GRM5: variants seen among roughly 807,000 people sequenced by gnomAD.
GRM5 encodes metabotropic glutamate receptor 5.
GRM5 carries 19 observed loss-of-function variants against 83.1 expected under a neutral mutation model. The ratio of observed to expected loss-of-function variants is 0.23; its 90% CI spans 0.16 to 0.34. The LOEUF (loss-of-function observed/expected upper bound fraction) is 0.34. GRM5 is among the 10% of genes least tolerant of loss of function. The pLI is 1.00. For missense variants in GRM5, 1,160 were observed against 1,588.3 expected, an observed-to-expected ratio of 0.73 and a Z score of 4.58; for synonymous variants, 675 against 633.6, an observed-to-expected ratio of 1.07 and a Z score of -0.98.
intron 3 of GRM5, among the ~76,000 whole-genome samples, chr11:88,708,093 T>C (rs1009583296): frequency 4.6e-5 from 7 of 152,106 alleles, no homozygotes; most frequent in Non-Finnish European, 1.0e-4. Context: ...GTCACTACTA[T>C]AAATGTAGGA....
intron 2 of GRM5, among the ~76,000 whole-genome samples, chr11:88,947,071 T>G (rs892625093): frequency 7.3e-4 from 111 of 152,252 alleles, no homozygotes; most frequent in Non-Finnish European, 1.3e-3. Context: ...TTGAATTTTT[T>G]AAACAAAGAA....
chr11:88,569,536 C>G (rs970397755), intron 7 of GRM5, among the ~76,000 whole-genome samples: 1 of 152,294 alleles, frequency 6.6e-6, no homozygotes, highest in African/African-American at 2.4e-5. Flanking sequence ...CAGAGGATTC[C>G]TGAAAGGAAA....
intron 2 of GRM5, among the ~76,000 whole-genome samples, chr11:89,014,310 A>T (rs1940791226): frequency 6.6e-6 from 1 of 152,218 alleles, no homozygotes; most frequent in East Asian, 1.9e-4. Context: ...CATTAGTATC[A>T]CAGCACATGG....
Position 88,642,709 on chromosome 11 carries a change from C to T in GRM5, c.1147+10459G>A, listed in dbSNP as rs72639176. Among the ~76,000 whole-genome samples the T allele has an allele frequency of 0.01, 1,581 of 152,268 alleles. 48 individuals are homozygous for T. In the East Asian group the frequency reaches 0.12, roughly 11 times the overall value. ...GTAAATCATCACTCTTTAGTTCAAA[C>T]TTGCACACATCTCTAGGGAATGAAC... On this transcript the variant is annotated intron_variant, in intron 4 of 9. Coordinates refer to ENST00000305447, the MANE Select transcript of GRM5 (RefSeq NM_001143831.3).
At chr11:88,991,860 A>G (rs1469812885) in intron 2 of GRM5, among the ~76,000 whole-genome samples, 19 of 152,082 alleles carry the variant, frequency 1.2e-4, no homozygotes, top group Non-Finnish European at 2.2e-4. Context: ...ACAAAAATCA[A>G]TTCAAGATGG....
intron 3 of GRM5, among the ~76,000 whole-genome samples, chr11:88,773,744 C>G (rs1175287800): frequency 3.3e-5 from 5 of 152,106 alleles, no homozygotes; most frequent in Admixed American, 6.5e-5. Flanking sequence ...TCAGGTTTGT[C>G]AAAAATCAGA....
At chr11:88,770,796 T>C (rs1008817501) in intron 3 of GRM5, among the ~76,000 whole-genome samples, 5 of 152,218 alleles carry the variant, frequency 3.3e-5, no homozygotes, top group African/African-American at 1.2e-4. Context: ...TTATGACACA[T>C]GTATTACTAG....
At chr11:88,754,426 C>G (rs1942353124) in intron 3 of GRM5, among the ~76,000 whole-genome samples, 1 of 152,038 alleles carries the variant, frequency 6.6e-6, no homozygotes, top group Admixed American at 6.6e-5. Context: ...TACTCCTGAA[C>G]TTAAAATAAA....
intron 2 of GRM5, among the ~76,000 whole-genome samples, chr11:88,996,745 G>A (rs1291216859): frequency 6.6e-6 from 1 of 152,092 alleles, no homozygotes. Context: ...CATACACTAA[G>A]ATAGAAAACA....
intron 2 of GRM5, among the ~76,000 whole-genome samples, chr11:88,977,166 A>T (rs1939369682): frequency 6.6e-6 from 1 of 150,394 alleles, no homozygotes. Context: ...AGGTGATTTA[A>T]CATAAAATAT....
chr11:88,643,805 C>T (rs1214268914), intron 4 of GRM5, among the ~76,000 whole-genome samples: 1 of 152,114 alleles, frequency 6.6e-6, no homozygotes, highest in Non-Finnish European at 1.5e-5. Context: ...TTGAGAGATA[C>T]TCAAGTGTTC....
At chr11:88,738,559 A>T (rs1029019455) in intron 3 of GRM5, among the ~76,000 whole-genome samples, 2 of 152,100 alleles carry the variant, frequency 1.3e-5, no homozygotes, top group East Asian at 3.9e-4. Flanking sequence ...CAACTATTTC[A>T]CAGTTAAGAA....
rs1942203400 is a variant in GRM5, at chr11:88,539,040, C to A, written c.2631-13636G>T. 2.0e-5 allele frequency among the ~76,000 whole-genome samples: 3 copies of A among 152,272 alleles called. No individual in the cohort carries two copies. The South Asian group carries it at 6.2e-4, about 32-fold the overall frequency. ...ACACTGCCTATGCTTTTACTTGAGC[C>A]CTTTCTACCCTTTTGGATAGGAAGA... On this transcript the variant is annotated intron_variant, in intron 8 of 9. Coordinates refer to ENST00000305447, the MANE Select transcript of GRM5 (RefSeq NM_001143831.3).
Position 88,509,336 on chromosome 11 carries a change from A to T in GRM5, c.2895T>A (p.Ala965=), listed in dbSNP as rs554130687. The T allele has an allele frequency of 3.5e-5, 56 of 1,599,614 alleles. No homozygotes were observed. The South Asian group carries it at 5.1e-4, about 15-fold the overall frequency. ...STESRGLGAG[A]GAGGSAGGVG... is the part of the protein sequence containing the mutation. Reference sequence around the variant, plus strand: ...CGCCCCCAGCGCTCCCGCCTGCGCCAGCGCCAGCGCCCAGGCCACGGCTCT... The same window carrying T: ...CGCCCCCAGCGCTCCCGCCTGCGCCTGCGCCAGCGCCCAGGCCACGGCTCT... The change falls in exon 10 of 10, where the codon GCT becomes GCA. Residue 965 remains alanine, a synonymous_variant. Coordinates refer to ENST00000305447, the MANE Select transcript of GRM5 (RefSeq NM_001143831.3).
At chr11:89,060,324 T>C (rs551754296) in intron 1 of GRM5, among the ~76,000 whole-genome samples, 2 of 151,976 alleles carry the variant, frequency 1.3e-5, no homozygotes, top group Admixed American at 6.6e-5. Flanking sequence ...GAATGAAATA[T>C]ATGTTTCCTT....
chr11:88,822,908 T>C (rs1402700553), intron 3 of GRM5, among the ~76,000 whole-genome samples: 1 of 152,014 alleles, frequency 6.6e-6, no homozygotes, highest in Non-Finnish European at 1.5e-5. Context: ...CGCAGCTCAA[T>C]AGTTTTCAAC....
At chr11:88,692,426 A>G (rs1372045642) in intron 3 of GRM5, among the ~76,000 whole-genome samples, 1 of 152,216 alleles carries the variant, frequency 6.6e-6, no homozygotes, top group Admixed American at 6.5e-5. Context: ...TATTAGCTAC[A>G]GAATAGCTTC....
chr11:88,906,899 A>G (rs1350081400), intron 2 of GRM5, among the ~76,000 whole-genome samples: 1 of 152,234 alleles, frequency 6.6e-6, no homozygotes, highest in Admixed American at 6.5e-5. Context: ...ATCAATTACC[A>G]TTATCAATTT....
Position 88,525,385 on chromosome 11 carries a change from C to T in GRM5, c.2650G>A (p.Ala884Thr). The T allele has an allele frequency of 1.9e-6, 3 of 1,609,388 alleles. No individual in the cohort carries two copies. The highest frequency in any genetic ancestry group is 2.6e-6 in the Non-Finnish European group (3 of 1,175,886). ...ETLRYKDRRLAQHKSEIECFT... is the reference protein window; with the variant it reads ...ETLRYKDRRLTQHKSEIECFT... ...CACTCTATTTCCGACTTGTGCTGGG[C>T]CAGTCTCCTGTCTTTGTACCTGGTG... The change falls in exon 9 of 10, where the codon GCC becomes ACC. Residue 884 changes from alanine to threonine, a missense_variant. By Grantham distance (58) the Ala-to-Thr change is moderately conservative (BLOSUM62 0). Transcript: ENST00000305447.
Sources: allele counts gnomAD v4.1 joint callset (sites outside exome capture counted in the v4.1 genomes callset), GRCh38; gene constraint gnomAD v4.1.1; transcripts MANE v1.5; gene names NCBI Gene and HGNC (gene_info 2026-07-23, HGNC 2026-07-21).